The following PARG variants were observed in gnomAD, a reference collection of about 807,000 sequenced individuals.
PARG encodes poly(ADP-ribose) glycohydrolase, also known as mitochondrial poly(ADP-ribose) glycohydrolase.
In PARG, 35 loss-of-function variants were observed where a neutral mutation model predicts 113.0. The ratio of observed to expected loss-of-function variants is 0.31; its 90% CI spans 0.24 to 0.41. PARG has a LOEUF of 0.41. PARG is among the 10% of genes least tolerant of loss of function. PARG has a pLI of 1.00. For missense variants in PARG, 797 were observed against 1,169.4 expected, an observed-to-expected ratio of 0.68 and a Z score of 4.64; for synonymous variants, 330 against 409.9, an observed-to-expected ratio of 0.81 and a Z score of 2.36.
intron 6 of PARG, among the ~76,000 whole-genome samples, chr10:49,916,535 A>G (rs1554847690): frequency 6.6e-6 from 1 of 152,006 alleles, no homozygotes; most frequent in African/African-American, 2.4e-5. Flanking sequence ...TTTTTATACT[A>G]TATATAAATT....
intron 7 of PARG, among the ~76,000 whole-genome samples, chr10:49,915,704 A>C (rs1837434066): frequency 6.6e-6 from 1 of 152,166 alleles, no homozygotes; most frequent in Non-Finnish European, 1.5e-5. Flanking sequence ...TAATGGTATG[A>C]AAATATAACA....
intron 13 of PARG, among the ~76,000 whole-genome samples, chr10:49,846,425 A>G (rs377424145): frequency 1.3e-5 from 2 of 151,600 alleles, no homozygotes; most frequent in East Asian, 3.9e-4. Flanking sequence ...AAGCATATCA[A>G]TTTGCCAAAA....
chr10:49,919,451 T>C (rs1335372685), intron 6 of PARG, among the ~76,000 whole-genome samples: 1 of 152,242 alleles, frequency 6.6e-6, no homozygotes, highest in Non-Finnish European at 1.5e-5. Context: ...TGAAGGCTAG[T>C]ACTATTAATA....
chr10:49,893,755 G>GCGAT (rs2132701695), intron 7 of PARG, among the ~76,000 whole-genome samples: 1 of 151,128 alleles, frequency 6.6e-6, no homozygotes, highest in South Asian at 2.1e-4. Context: ...GTGCAGTGGC[G>GCGAT]CGATCTTGGC....
At chr10:49,910,152 T>A (rs1188792272) in intron 7 of PARG, among the ~76,000 whole-genome samples, 1 of 152,128 alleles carries the variant, frequency 6.6e-6, no homozygotes, top group African/African-American at 2.4e-5. Context: ...AGTTCAATAC[T>A]AATAGAATTA....
intron 8 of PARG, among the ~76,000 whole-genome samples, chr10:49,880,046 A>C (rs1299171401): frequency 7.9e-5 from 12 of 151,332 alleles, no homozygotes; most frequent in Admixed American, 7.9e-4. Context: ...ATTTCTAATC[A>C]ATAATAATGA....
intron 7 of PARG, among the ~76,000 whole-genome samples, chr10:49,899,287 G>A (rs1300666031): frequency 6.6e-6 from 1 of 152,222 alleles, no homozygotes; most frequent in East Asian, 1.9e-4. Flanking sequence ...AATGTTAGAG[G>A]AAAAACAATC....
chr10:49,856,208 C>A (rs1318467018), intron 13 of PARG, among the ~76,000 whole-genome samples: 7 of 150,136 alleles, frequency 4.7e-5, no homozygotes, highest in Non-Finnish European at 7.4e-5. Context: ...GAGATGGAGT[C>A]TTGCTCTGTC....
chr10:49,929,255 T>C (rs1175564142), intron 4 of PARG, among the ~76,000 whole-genome samples: 1 of 151,074 alleles, frequency 6.6e-6, no homozygotes. Flanking sequence ...TGTCCATCTT[T>C]TCTCCAGTTC....
At chr10:49,828,978 C>T (rs577910412) in intron 16 of PARG, among the ~76,000 whole-genome samples, 127 of 152,274 alleles carry the variant, frequency 8.3e-4, no homozygotes, top group African/African-American at 2.7e-3. Context: ...TGGCTCATGC[C>T]TGTAATCCCA....
At position 49,920,539 on chromosome 10, in the gene PARG, T is replaced by C. The variant is rs149942478; in HGVS notation, c.1662+1797A>G. Among the ~76,000 whole-genome samples, 940 of 140,008 alleles carry C rather than the reference T, an allele frequency of 6.7e-3. 11 individuals carry two copies. Among genetic ancestry groups the C allele is most frequent in the African/African-American group, 0.023 (882 of 37,966 alleles). The allele number at this position is 140,008 out of a possible 152,430, so 91.9% of individuals were successfully genotyped here. A position where few individuals can be genotyped will look rare whatever the true frequency, so the allele number is the denominator to read the frequency against. On this transcript the variant is annotated intron_variant, in intron 6 of 17. Transcript: ENST00000616448. ...ATATATGTATATACATGTATATATA[T>C]ACACATATATATACATATATACGTA...
chr10:49,820,962 A>G (rs1284014241), intron 16 of PARG, among the ~76,000 whole-genome samples: 1 of 152,200 alleles, frequency 6.6e-6, no homozygotes. Flanking sequence ...GCTGTGTCTT[A>G]TCACACAGCC....
chr10:49,836,860 G>A (rs1269510150), intron 15 of PARG, among the ~76,000 whole-genome samples: 2 of 152,154 alleles, frequency 1.3e-5, no homozygotes, highest in East Asian at 3.8e-4. Flanking sequence ...TCTCCACCTT[G>A]TTCAATCTCA....
rs192106535 is a variant in PARG at position 49,893,843 on chromosome 10, G to A, written c.1738-8548C>T. 4.4e-3 allele frequency among the ~76,000 whole-genome samples: 666 copies of A among 151,740 alleles called. 5 individuals carry two copies. The highest frequency in any genetic ancestry group is 0.015 in the African/African-American group (616 of 41,412). On this transcript the variant is annotated intron_variant, in intron 7 of 17. Transcript: ENST00000616448. ...CGAGCAGCTGTGACTACAGGCACCC[G>A]CCACCACGCCCAGCTAATGTTTTTT...
In PARG at chr10:49,915,779, A is replaced by C; in HGVS notation, c.1737+138T>G. ...TTAACTCCTAATTGTATTTACCTAA[A>C]ACATACATATAAAATAACAGCAAAT... is the stretch of plus-strand genomic sequence containing the variant. On this transcript the variant is annotated intron_variant, in intron 7 of 17. Transcript: ENST00000616448. 5.0e-6 allele frequency: 3 copies of C among 597,242 alleles called. No individual in the cohort carries two copies. In the South Asian group the frequency reaches 6.1e-5, roughly 12 times the overall value. 37.0% of individuals were successfully genotyped at this position (597,242 alleles called of 1,614,324 possible). A position where few individuals can be genotyped will look rare whatever the true frequency, so the allele number is the denominator to read the frequency against.
At chr10:49,821,330 A>G (rs1404880168) in intron 16 of PARG, among the ~76,000 whole-genome samples, 2 of 152,220 alleles carry the variant, frequency 1.3e-5, no homozygotes, top group African/African-American at 4.8e-5. Context: ...CTAGTTATAA[A>G]TCTCTTACTT....
At chr10:49,893,499 G>A (rs782601617) in intron 7 of PARG, among the ~76,000 whole-genome samples, 4 of 152,020 alleles carry the variant, frequency 2.6e-5, no homozygotes, top group East Asian at 3.9e-4. Context: ...ATATTTCGCC[G>A]TCTTTTAAAA....
At chr10:49,885,438 C>T (rs1329154129) in intron 7 of PARG, 143 bp from the exon 8 acceptor site, 1 of 621,944 alleles carries the variant, frequency 1.6e-6, no homozygotes. Flanking sequence ...TCACCAAACA[C>T]ATGTACAAAT....
At chr10:49,842,772 T>A (rs1351854728) in intron 14 of PARG, among the ~76,000 whole-genome samples, 1 of 152,192 alleles carries the variant, frequency 6.6e-6, no homozygotes, top group African/African-American at 2.4e-5. Flanking sequence ...GAAATCTTCA[T>A]GCTGGTTTGT....
Sources: allele counts gnomAD v4.1 joint callset (sites outside exome capture counted in the v4.1 genomes callset), GRCh38; gene constraint gnomAD v4.1.1; transcripts MANE v1.5; gene names NCBI Gene and HGNC (gene_info 2026-07-23, HGNC 2026-07-21).